DEAF1: variants seen among roughly 807,000 people sequenced by gnomAD.
DEAF1 encodes the protein DEAF1 transcription factor.
Under a neutral mutation model 58.9 loss-of-function variants are expected in DEAF1, and 53 were observed. The ratio of observed to expected loss-of-function variants is 0.90; its 90% confidence interval spans 0.72 to 1.13. DEAF1 has a LOEUF of 1.13. DEAF1 is among the 50% of genes most tolerant of loss of function. The pLI is 0.00. For missense variants in DEAF1, 685 were observed against 791.4 expected (o/e 0.87, Z 1.61); for synonymous variants, 385 against 340.4 (o/e 1.13, Z -1.44).
At chr11:653,306 G>GTC (rs372381791) in intron 11 of DEAF1, among the ~76,000 whole-genome samples, 27 of 89,766 alleles carry the variant, frequency 3.0e-4, no homozygotes, top group African/African-American at 1.2e-3. Flanking sequence ...ACTGTGGACA[G>GTC]TCTCTCTCTC....
chr11:664,507 G>A (rs1336094575), intron 10 of DEAF1, among the ~76,000 whole-genome samples: 3 of 22,308 alleles, frequency 1.3e-4, no homozygotes, highest in Non-Finnish European at 2.8e-4. Flanking sequence ...AGGACAGGGC[G>A]TCACACTCGG....
chr11:672,645 A>G (rs4963170), intron 10 of DEAF1, among the ~76,000 whole-genome samples: 111,701 of 152,050 alleles, frequency 0.73, 41,585 homozygotes, highest in East Asian at 0.93. Context: ...TCAGGGGTTC[A>G]AGACCAGCCT....
chr11:690,281 C>G (rs1285289591), intron 2 of DEAF1, among the ~76,000 whole-genome samples: 768 of 2,318 alleles, frequency 0.33, 9 homozygotes, highest in Middle Eastern at 1. Flanking sequence ...CAGGGGAGGG[C>G]AGGGGAGGGC....
At chr11:703,339 GC>G in intron 1 of DEAF1, 1 of 1,401,038 alleles carries the variant, frequency 7.1e-7, no homozygotes, top group Non-Finnish European at 9.3e-7. Flanking sequence ...ACTGCTGGAG[GC>G]CCTGGTGTTG....
At chr11:673,013 G>C (rs946958861) in intron 10 of DEAF1, among the ~76,000 whole-genome samples, 2 of 152,052 alleles carry the variant, frequency 1.3e-5, no homozygotes, top group African/African-American at 4.8e-5. Context: ...GCCAGGCATG[G>C]CAGCAGGCGC....
At chr11:663,848 A>G (rs1322442696) in intron 10 of DEAF1, among the ~76,000 whole-genome samples, 2 of 152,246 alleles carry the variant, frequency 1.3e-5, no homozygotes, top group Admixed American at 6.5e-5. Flanking sequence ...CACATCACGG[A>G]AAGCACTGTG....
chr11:663,987 C>T (rs773385555), intron 10 of DEAF1, among the ~76,000 whole-genome samples: 8 of 152,076 alleles, frequency 5.3e-5, no homozygotes, highest in Non-Finnish European at 1.2e-4. Flanking sequence ...CTGAGGTGGG[C>T]GGATCACGTG....
At chr11:647,800 C>T (rs575447599) in intron 11 of DEAF1, among the ~76,000 whole-genome samples, 2 of 151,548 alleles carry the variant, frequency 1.3e-5, no homozygotes, top group Admixed American at 6.6e-5. Flanking sequence ...GTGACTCAAT[C>T]CAGGCAGTGC....
At chr11:690,599 A>G (rs769172781) in intron 2 of DEAF1, among the ~76,000 whole-genome samples, 1 of 151,954 alleles carries the variant, frequency 6.6e-6, no homozygotes, top group Non-Finnish European at 1.5e-5. Flanking sequence ...TACAAAAATT[A>G]GCCTGGCATG....
rs373316944 is a variant in DEAF1, at chr11:680,937, C to T, written c.997+26G>A. 22 of 1,614,000 alleles carry T rather than the reference C, an allele frequency of 1.4e-5. No homozygotes were observed. In the African/African-American group the frequency reaches 2.9e-4, roughly 22 times the overall value. ...AATGCACTCAGGTCCCCTCAGTAAA[C>T]TAGAGCTGTGTTTTCTCAAACTCAC... On this transcript the variant is annotated intron_variant, in intron 7 of 11. Coordinates refer to ENST00000382409, the MANE Select transcript of DEAF1 (RefSeq NM_021008.4).
At chr11:691,176 C>G (rs186206454) in intron 2 of DEAF1, among the ~76,000 whole-genome samples, 2 of 152,244 alleles carry the variant, frequency 1.3e-5, no homozygotes, top group Admixed American at 1.3e-4. Flanking sequence ...ATAAGGAGCA[C>G]AGGCAGGGCC....
At position 684,905 on chromosome 11, in the gene DEAF1, A is replaced by G; in HGVS notation, c.863T>C (p.Met288Thr). ...SCTCAACCDD[M>T]TLSGPVRLFV... ...GACACGCTGGCCACTTACTAAGGTC[A>G]TGTCGTCGCAGCAGGCAGCACAGGT... The change falls in exon 6 of 12, where the codon ATG (methionine) becomes ACG (threonine). Residue 288 changes from methionine to threonine, a missense_variant. Physicochemically the swap from Met to Thr is moderately conservative, Grantham distance 81. Around this residue, in one of 3 missense-constraint regions of DEAF1, gnomAD observed 343 missense variants for 379.8 expected, o/e 0.90. Transcript: ENST00000382409. The G allele has an allele frequency of 6.4e-7, 1 of 1,551,500 alleles. No individual in the cohort carries two copies. The highest frequency in any genetic ancestry group is 1.2e-5 in the South Asian group (1 of 84,062).
At chr11:677,078 C>A (rs1360043041) in intron 9 of DEAF1, among the ~76,000 whole-genome samples, 1 of 152,008 alleles carries the variant, frequency 6.6e-6, no homozygotes, top group African/African-American at 2.4e-5. Context: ...TGATTTCAAG[C>A]ATTTGCTGAT....
intron 7 of DEAF1, 89 bp from the exon 8 acceptor site, chr11:679,905 G>T (rs1860269936): frequency 1.3e-6 from 2 of 1,577,352 alleles, no homozygotes; most frequent in East Asian, 2.3e-5. Flanking sequence ...CAATCCTTGT[G>T]GGGGCCTGGG....
At chr11:694,657 ACAGGTGTGGCGGGCTGGT>A in intron 1 of DEAF1, 84 bp downstream of exon 1, 1 of 1,072,094 alleles carries the variant, frequency 9.3e-7, no homozygotes, top group Non-Finnish European at 1.2e-6. Flanking sequence ...GGTGTGAGGG[ACAGGTGTGGCGGGCTGGT>A]CACCTGGGAC....
In DEAF1 at chr11:644,556, G is replaced by C. The variant is rs774798427; in HGVS notation, c.1692C>G (p.Thr564=). The part of the protein sequence containing the change: ...HVAESVMEKV[T]V Reference sequence around the variant, plus strand: ...CAGGGCGGCCGATGGAGCCTCACACGGTCACCTTCTCCATCACGCTTTCAG... The same window carrying C: ...CAGGGCGGCCGATGGAGCCTCACACCGTCACCTTCTCCATCACGCTTTCAG... Residue 564 remains threonine (T), a synonymous_variant, in exon 12 of 12, where the codon ACC becomes ACG. Coordinates refer to ENST00000382409, the MANE Select transcript of DEAF1 (RefSeq NM_021008.4). This position sits in a 1 kb window ranked among gnomAD's most constrained non-coding sequence, Gnocchi z 4.3. 6.2e-7 allele frequency: 1 copy of C among 1,612,346 alleles called. No homozygotes were observed. The highest frequency in any genetic ancestry group is 8.5e-7 in the Non-Finnish European group (1 of 1,179,810).
At chr11:661,933 CACAGCCCGCGGGCTGCAT>C (rs1002998418) in intron 10 of DEAF1, among the ~76,000 whole-genome samples, 12 of 152,320 alleles carry the variant, frequency 7.9e-5, no homozygotes, top group African/African-American at 2.4e-4. Context: ...TTGTCCAACC[CACAGCCCGCGGGCTGCAT>C]GCAGCCCAGG....
intron 9 of DEAF1, chr11:678,338 GC>G: frequency 3.2e-6 from 1 of 309,116 alleles, no homozygotes; most frequent in South Asian, 3.1e-5. Context: ...GAATGTCTAT[GC>G]CAGCTCTGGA....
intron 10 of DEAF1, among the ~76,000 whole-genome samples, chr11:661,442 G>A (rs964396390): frequency 1.3e-5 from 2 of 152,098 alleles, no homozygotes; most frequent in East Asian, 1.9e-4. Context: ...AGGCACCGAG[G>A]CTCATGCCTG....
Sources: allele counts gnomAD v4.1 joint callset (sites outside exome capture counted in the v4.1 genomes callset), GRCh38; gene constraint gnomAD v4.1.1; regional missense constraint gnomAD v4.1.1; non-coding constraint Gnocchi (gnomAD v3.1); transcripts MANE v1.5; gene names NCBI Gene and HGNC (gene_info 2026-07-23, HGNC 2026-07-21).